Variants in SEC16A observed in about 807,000 individuals in gnomAD.
SEC16A encodes SEC16 homolog A, endoplasmic reticulum export factor.
A neutral mutation model predicts 221.9 loss-of-function variants in SEC16A; 110 were observed. That is an observed-to-expected ratio of 0.50 (90% CI 0.42 to 0.58). The LOEUF (loss-of-function observed/expected upper bound fraction) is 0.58, where lower values mean the gene tolerates loss of function less well. Ranked by LOEUF, SEC16A falls within the 20% of genes least tolerant of loss-of-function variation. SEC16A has a pLI of 0.00. For synonymous variants in SEC16A, 1,393 were observed against 1,257.7 expected, an observed-to-expected ratio of 1.11 and a Z score of -2.28; for missense variants, 3,165 against 3,097.8, an observed-to-expected ratio of 1.02 and a Z score of -0.52.
In SEC16A at chr9:136,476,278, T is replaced by C. The variant is rs749530256; in HGVS notation, c.1338A>G (p.Thr446=). 101 of 1,613,150 alleles carry C rather than the reference T, an allele frequency of 6.3e-5. No homozygotes were observed. The highest frequency in any genetic ancestry group is 7.5e-5 in the Non-Finnish European group (89 of 1,179,880). The change falls in exon 3 of 32, where the codon ACA becomes ACG. Residue 446 remains threonine, a synonymous_variant. Transcript: ENST00000684901. The part of the protein sequence containing the change: ...AGDVWGDTAS[T]GVPDASGSQY... Reference sequence around the variant, plus strand: ...GCGAGCCGCTGGCATCCGGCACCCCTGTGCTCGCTGTGTCACCCCACACAT... The same window carrying C: ...GCGAGCCGCTGGCATCCGGCACCCCCGTGCTCGCTGTGTCACCCCACACAT...
intron 23 of SEC16A, chr9:136,448,385 C>T (rs548969764): frequency 3.3e-6 from 2 of 603,414 alleles, no homozygotes; most frequent in African/African-American, 3.2e-5. Flanking sequence ...AGGTGGGGGG[C>T]GATCCACAGA....
In SEC16A at chr9:136,447,038, C is replaced by G; in HGVS notation, c.6698-89G>C. The G allele has an allele frequency of 6.2e-7, 1 of 1,600,142 alleles. No homozygotes were observed. The highest frequency in any genetic ancestry group is 8.5e-7 in the Non-Finnish European group (1 of 1,174,386). ...ACACTCCGAGAGGAAGAGAGTTTCA[C>G]ACTGCACACGCGGCACACTCATGCA... On this transcript the variant is annotated intron_variant, in intron 27 of 31. Coordinates refer to ENST00000684901, the MANE Select transcript of SEC16A (RefSeq NM_014866.2). The surrounding 1 kb of genome is among the most constrained non-coding windows in gnomAD (Gnocchi z 5.5).
At chr9:136,453,948 T>G (rs1294870645) in intron 21 of SEC16A, among the ~76,000 whole-genome samples, 161 bp downstream of exon 21, 2 of 152,282 alleles carry the variant, frequency 1.3e-5, no homozygotes, top group African/African-American at 4.8e-5. Context: ...AGTGAGACTC[T>G]GAACCCATCC....
chr9:136,472,219 T>TAC (rs1472544893), intron 3 of SEC16A, 108 bp from the exon 4 acceptor site: 1 of 1,307,802 alleles, frequency 7.6e-7, no homozygotes. Context: ...ATTAGATACC[T>TAC]ACCAAGAGCA....
At chr9:136,481,236 C>A (rs1284994340) in intron 1 of SEC16A, among the ~76,000 whole-genome samples, 3 of 149,466 alleles carry the variant, frequency 2.0e-5, no homozygotes, top group African/African-American at 4.9e-5. Context: ...CCGGGGTTCA[C>A]GCCATTCTCC....
Position 136,475,116 on chromosome 9 carries a change from C to A in SEC16A, c.2500G>T (p.Asp834Tyr). 1 of 1,613,832 alleles carries A rather than the reference C, an allele frequency of 6.2e-7. No homozygotes were observed. Among genetic ancestry groups the A allele is most frequent in the African/African-American group, 1.3e-5 (1 of 75,044 alleles). The change falls in exon 3 of 32, where the codon GAT (aspartate) becomes TAT (tyrosine). Residue 834 changes from aspartate (D) to tyrosine (Y), a missense_variant. Asp to Tyr is a radical substitution (Grantham distance 160, BLOSUM62 -3). Around this residue, in one of 3 missense-constraint regions of SEC16A, gnomAD observed 2,030 missense variants for 1,923.1 expected, o/e 1.06. Transcript: ENST00000684901. This position sits in a 1 kb window ranked among gnomAD's most constrained non-coding sequence, Gnocchi z 5.0. Reference sequence around the variant, plus strand: ...GGCTGAGCCAGATTATAGCTGTGATCAGGCTGAGCAATCAAGACTGGAGGA... The same window carrying A: ...GGCTGAGCCAGATTATAGCTGTGATAAGGCTGAGCAATCAAGACTGGAGGA... The part of the protein sequence containing the change: ...QNPPVLIAQP[D>Y]HSYNLAQPIN...
chr9:136,478,772 T>C lies in SEC16A; in HGVS notation c.-133A>G, dbSNP rs1841966101. Among the ~76,000 whole-genome samples the C allele has an allele frequency of 6.6e-6, 1 of 152,022 alleles. No homozygotes were observed. Among genetic ancestry groups the C allele is most frequent in the Admixed American group, 6.5e-5 (1 of 15,276 alleles). ...TCACTTGTGTCCATGAGTTCGAGGC[T>C]GCAGTGAGCTATGATTATACCACCG... On this transcript the variant is annotated 5_prime_UTR_variant, in exon 2 of 32. Coordinates refer to ENST00000684901, the MANE Select transcript of SEC16A (RefSeq NM_014866.2).
At chr9:136,453,978 T>G (rs1564472845) in intron 21 of SEC16A, 131 bp downstream of exon 21, 4 of 859,762 alleles carry the variant, frequency 4.7e-6, no homozygotes, top group Non-Finnish European at 5.6e-6. Context: ...CTTCCAGAAT[T>G]TCTGGTCTAC....
rs187376913 is a variant in SEC16A, at chr9:136,476,005, G to A, written c.1611C>T (p.Ala537=). Residue 537 remains alanine, a synonymous_variant, in exon 3 of 32, where the codon GCC becomes GCT. Coordinates refer to ENST00000684901, the MANE Select transcript of SEC16A (RefSeq NM_014866.2). ...ATGTGCCAACCAGCTCCTGGGGCCTGGCTGAGCCTGAGAGCCTTCCGTGGC... is the reference window on the plus strand; with the variant it reads ...ATGTGCCAACCAGCTCCTGGGGCCTAGCTGAGCCTGAGAGCCTTCCGTGGC... ...SRSHGRLSGS[A]RPQELVGTFI... The A allele has an allele frequency of 2.0e-5, 33 of 1,613,502 alleles. No homozygotes were observed. In the East Asian group the frequency reaches 3.3e-4, roughly 16 times the overall value.
intron 12 of SEC16A, 21 bp downstream of exon 12, chr9:136,462,866 T>G (rs1356535906): frequency 1.9e-6 from 3 of 1,596,216 alleles, no homozygotes; most frequent in African/African-American, 2.7e-5. Context: ...AGGCGCCAGG[T>G]GCCATGATGA....
intron 3 of SEC16A, among the ~76,000 whole-genome samples, chr9:136,473,178 C>T (rs979772735): frequency 4.1e-4 from 62 of 152,356 alleles, no homozygotes; most frequent in African/African-American, 1.3e-3. Context: ...CTCCTCGGGG[C>T]GGGCCCCCTT....
At chr9:136,463,643 C>T (rs1392717447) in intron 10 of SEC16A, 36 bp downstream of exon 10, 10 of 1,613,606 alleles carry the variant, frequency 6.2e-6, no homozygotes, top group African/African-American at 1.3e-5. Flanking sequence ...TCTGCAAGGC[C>T]GGGCTCACAA....
chr9:136,453,769 C>G (rs1050540251), intron 21 of SEC16A, among the ~76,000 whole-genome samples: 1 of 152,228 alleles, frequency 6.6e-6, no homozygotes. Context: ...AAATCGAGTT[C>G]CAGACAGTTC....
In SEC16A at chr9:136,474,394, G is replaced by C. The variant is rs746422752; in HGVS notation, c.3222C>G (p.Pro1074=). 1 of 1,612,740 alleles carries C rather than the reference G, an allele frequency of 6.2e-7. No individual in the cohort carries two copies. Among genetic ancestry groups the C allele is most frequent in the Admixed American group, 1.7e-5 (1 of 60,024 alleles). Residue 1074 remains proline, a synonymous_variant, in exon 3 of 32, where the codon CCC becomes CCG. Coordinates refer to ENST00000684901, the MANE Select transcript of SEC16A (RefSeq NM_014866.2). The stretch of plus-strand genomic sequence containing the variant: ...TTGACAGCTCCGAAAACATGGCTTT[G>C]GGTAGTTGTGGGGGAGAAGCCTGTT... The part of the protein sequence containing the change: ...PQQQASPPQL[P]KAMFSELSNP...
At chr9:136,483,507 C>A (rs541746100), upstream of SEC16A, 22 of 981,754 alleles carry the variant, frequency 2.2e-5, no homozygotes, top group East Asian at 8.0e-4. Context: ...TCTGCCGCCT[C>A]ACCGCTTGGC....
intron 5 of SEC16A, among the ~76,000 whole-genome samples, chr9:136,468,150 A>G (rs529108543): frequency 5.2e-5 from 8 of 152,384 alleles, no homozygotes; most frequent in Non-Finnish European, 8.8e-5. Context: ...CCACTAGAAA[A>G]TCAGAGAAAT....
At chr9:136,456,362 G>C (rs912983658) in intron 18 of SEC16A, among the ~76,000 whole-genome samples, 196 bp from the exon 19 acceptor site, 1 of 152,190 alleles carries the variant, frequency 6.6e-6, no homozygotes, top group Non-Finnish European at 1.5e-5. Context: ...TGCTGTAGAC[G>C]ACCTCTTGGC....
At chr9:136,483,748 C>A (rs549385082), upstream of SEC16A, 5 of 985,400 alleles carry the variant, frequency 5.1e-6, no homozygotes, top group Non-Finnish European at 6.0e-6. Flanking sequence ...CTGACGCGGG[C>A]GCGCTCCTCG....
At position 136,475,749 on chromosome 9, in the gene SEC16A, G is replaced by A. The variant is rs1159534934; in HGVS notation, c.1867C>T (p.Pro623Ser). ...PVKSHLVGVK[P>S]FEADRANVVG... ...ACGTTGGCGCGATCTGCCTCAAATG[G>A]TTTTACCCCAACTAAGTGAGATTTT... Residue 623 changes from proline to serine, a missense_variant, in exon 3 of 32, where the codon CCA becomes TCA. Physicochemically the swap from Pro to Ser is moderately conservative, Grantham distance 74. Around this residue, in one of 3 missense-constraint regions of SEC16A, gnomAD observed 2,030 missense variants for 1,923.1 expected, o/e 1.06. Coordinates refer to ENST00000684901, the MANE Select transcript of SEC16A (RefSeq NM_014866.2). This position sits in a 1 kb window ranked among gnomAD's most constrained non-coding sequence, Gnocchi z 5.0. 1 of 1,606,894 alleles carries A rather than the reference G, an allele frequency of 6.2e-7. No individual in the cohort carries two copies. Among genetic ancestry groups the A allele is most frequent in the Non-Finnish European group, 8.5e-7 (1 of 1,176,608 alleles).
Sources: allele counts gnomAD v4.1 joint callset (sites outside exome capture counted in the v4.1 genomes callset), GRCh38; gene constraint gnomAD v4.1.1; regional missense constraint gnomAD v4.1.1; non-coding constraint Gnocchi (gnomAD v3.1); transcripts MANE v1.5; gene names NCBI Gene and HGNC (gene_info 2026-07-23, HGNC 2026-07-21).